Variants in MAPK6 observed in about 807,000 individuals in gnomAD.
MAPK6 encodes ERK-3.
Under a neutral mutation model 59.3 loss-of-function variants are expected in MAPK6, and 19 were observed. The ratio of observed to expected loss-of-function variants is 0.32; its 90% CI spans 0.22 to 0.47. The LOEUF (loss-of-function observed/expected upper bound fraction) is 0.47, where lower values mean the gene tolerates loss of function less well. MAPK6 is among the 20% of genes least tolerant of loss of function. The probability of loss-of-function intolerance (pLI) is 1.00; values close to 1 mark genes in which losing one functional copy is unlikely to be tolerated. For synonymous variants in MAPK6, 316 were observed against 290.3 expected (o/e 1.09, Z -0.90); for missense variants, 724 against 847.9 (o/e 0.85, Z 1.81).
chr15:52,007,311 C>T (rs1419000251), intron 3 of MAPK6, among the ~76,000 whole-genome samples: 3 of 152,038 alleles, frequency 2.0e-5, no homozygotes, highest in Admixed American at 1.3e-4. Context: ...GACCCACCTT[C>T]TTCAGGGCTA....
At chr15:51,992,306 T>TATA (rs369567502) in intron 2 of MAPK6, among the ~76,000 whole-genome samples, 219 of 17,318 alleles carry the variant, frequency 0.013, no homozygotes, top group African/African-American at 0.015. Context: ...TATATATATA[T>TATA]TTTTTTTTTT....
At chr15:52,003,212 A>C (rs1022095734) in intron 2 of MAPK6, among the ~76,000 whole-genome samples, 5 of 151,990 alleles carry the variant, frequency 3.3e-5, no homozygotes, top group African/African-American at 1.2e-4. Context: ...AAAACAAACA[A>C]AAAAAACACG....
intron 3 of MAPK6, among the ~76,000 whole-genome samples, chr15:52,052,950 G>C (rs1421002247): frequency 6.6e-6 from 1 of 152,002 alleles, no homozygotes; most frequent in African/African-American, 2.4e-5. Context: ...TTAACTTTTT[G>C]AAGAACAGTT....
chr15:52,041,391 T>C (rs907305348), intron 1 of MAPK6, among the ~76,000 whole-genome samples: 8 of 152,148 alleles, frequency 5.3e-5, no homozygotes, highest in South Asian at 2.1e-4. Flanking sequence ...AGATGGGGTT[T>C]CTCCACGTTG....
chr15:51,988,507 G>A (rs2057198002), intron 2 of MAPK6, among the ~76,000 whole-genome samples: 1 of 152,086 alleles, frequency 6.6e-6, no homozygotes, highest in Admixed American at 6.6e-5. Flanking sequence ...GCCACGGCGG[G>A]TGGGTCACAA....
intron 3 of MAPK6, 133 bp from the exon 4 acceptor site, chr15:52,058,500 T>C: frequency 1.5e-6 from 1 of 658,450 alleles, no homozygotes; most frequent in Non-Finnish European, 2.4e-6. Context: ...GTCAAAGCAA[T>C]GAAACCTGCT....
intron 3 of MAPK6, among the ~76,000 whole-genome samples, chr15:52,051,284 C>T (rs1425763828): frequency 6.6e-6 from 1 of 152,070 alleles, no homozygotes; most frequent in Non-Finnish European, 1.5e-5. Flanking sequence ...GTCTCGATCT[C>T]CTGACCTCGT....
rs530932793 is a variant in MAPK6 at position 52,058,940 on chromosome 15, A to G, written c.865+143A>G. The G allele has an allele frequency of 1.6e-5, 9 of 560,266 alleles. No homozygotes were observed. In the East Asian group the frequency reaches 3.1e-4, roughly 19 times the overall value. 34.7% of individuals were successfully genotyped at this position (560,266 alleles called of 1,614,324 possible). On this transcript the variant is annotated intron_variant, in intron 4 of 5. Transcript: ENST00000261845. The stretch of plus-strand genomic sequence containing the variant: ...CACTTAAGGTGTACGTAAAACTTCA[A>G]CTCTCATTTTCCCTTTTTTTGTCCT...
At chr15:51,990,255 C>G (rs1039080394) in intron 2 of MAPK6, among the ~76,000 whole-genome samples, 2 of 152,146 alleles carry the variant, frequency 1.3e-5, no homozygotes, top group Non-Finnish European at 2.9e-5. Context: ...AAAAATACAA[C>G]AAAGTAGCCT....
chr15:52,020,270 A>T (rs1478686900), intron 1 of MAPK6, among the ~76,000 whole-genome samples: 1 of 152,092 alleles, frequency 6.6e-6, no homozygotes, highest in Non-Finnish European at 1.5e-5. Flanking sequence ...GTAGGACCCA[A>T]CCGGTTTAGG....
chr15:51,998,505 T>C (rs1595962052), intron 2 of MAPK6, among the ~76,000 whole-genome samples: 1 of 84,672 alleles, frequency 1.2e-5, no homozygotes, highest in Non-Finnish European at 2.0e-5. Flanking sequence ...GCACCTGGCC[T>C]TTTTTTTTTT....
chr15:51,976,649 A>T (rs985779703), intron 1 of MAPK6, among the ~76,000 whole-genome samples: 2 of 151,962 alleles, frequency 1.3e-5, no homozygotes, highest in Middle Eastern at 3.4e-3. Context: ...AATTGTCTTT[A>T]AAATCCTGAA....
At chr15:52,028,154 G>A (rs1253772746) in intron 1 of MAPK6, among the ~76,000 whole-genome samples, 3 of 151,766 alleles carry the variant, frequency 2.0e-5, no homozygotes, top group African/African-American at 4.8e-5. Context: ...GGGTTTCACC[G>A]TGTTAGCCAG....
intron 2 of MAPK6, chr15:52,004,187 TCTTTTC>T (rs1353673874): frequency 3.9e-5 from 6 of 152,248 alleles, no homozygotes; most frequent in African/African-American, 1.4e-4. Flanking sequence ...ACCATTTTAA[TCTTTTC>T]CTTTTCACTC....
Position 52,064,378 on chromosome 15 carries a change from C to G in MAPK6, c.1544C>G (p.Ala515Gly). Residue 515 changes from alanine (A) to glycine (G), a missense_variant, in exon 6 of 6, where the codon GCT becomes GGT. This residue lies in a region of MAPK6 where 502 missense variants were observed against 507.6 expected (regional missense o/e 0.99). Transcript: ENST00000261845. ...IALEEASQQL[A>G]GKEREKNQGF... ...CTAGAGGAAGCATCACAGCAACTGG[C>G]TGGAAAAGAAAGGGAAAAGAATCAG... 2 of 1,611,768 alleles carry G rather than the reference C, an allele frequency of 1.2e-6. No individual in the cohort carries two copies. Among genetic ancestry groups the G allele is most frequent in the Non-Finnish European group, 1.7e-6 (2 of 1,179,780 alleles).
intron 1 of MAPK6, among the ~76,000 whole-genome samples, chr15:51,972,812 T>C (rs751636478): frequency 3.3e-5 from 5 of 150,310 alleles, no homozygotes; most frequent in African/African-American, 1.2e-4. Flanking sequence ...CGAGACTCCA[T>C]CTCAAAAAAA....
chr15:52,058,532 C>T (rs987269336), intron 3 of MAPK6, 101 bp from the exon 4 acceptor site: 6 of 957,230 alleles, frequency 6.3e-6, no homozygotes, highest in Non-Finnish European at 8.8e-6. Context: ...TCAAACTTTT[C>T]CCCCCACTGG....
At chr15:52,062,292 GC>G (rs2032234464) in intron 5 of MAPK6, among the ~76,000 whole-genome samples, 1 of 151,866 alleles carries the variant, frequency 6.6e-6, no homozygotes, top group South Asian at 2.1e-4. Context: ...CTCCCACAGT[GC>G]TGAAATTATA....
intron 1 of MAPK6, among the ~76,000 whole-genome samples, chr15:52,029,860 T>A (rs150015871): frequency 2.0e-5 from 3 of 152,356 alleles, no homozygotes; most frequent in African/African-American, 7.2e-5. Flanking sequence ...TCTTTGCTTT[T>A]ACTCAGCTAC....
Sources: gnomAD v4.1 joint callset for allele counts (sites outside exome capture counted in the v4.1 genomes callset) on GRCh38, gnomAD v4.1.1 for gene constraint, gnomAD v4.1.1 regional missense constraint, MANE v1.5 for transcripts, NCBI Gene and HGNC (gene_info 2026-07-23, HGNC 2026-07-21) for gene names.